The following MEI4 variants were observed in gnomAD, a reference collection of about 807,000 sequenced individuals.
MEI4 encodes the protein meiosis-specific protein MEI4.
Under a neutral mutation model 31.4 loss-of-function variants are expected in MEI4, and 27 were observed. That is an observed-to-expected ratio of 0.86 (90% CI 0.63 to 1.19). The LOEUF (loss-of-function observed/expected upper bound fraction) is 1.19, where lower values mean the gene tolerates loss of function less well. MEI4 is among the 50% of genes most tolerant of loss of function. MEI4 has a pLI of 0.00. For synonymous variants in MEI4, 122 were observed against 145.4 expected (o/e 0.84, Z 1.16); for missense variants, 329 against 398.9 (o/e 0.82, Z 1.49).
intron 2 of MEI4, among the ~76,000 whole-genome samples, chr6:77,733,708 A>C (rs886119505): frequency 6.6e-6 from 1 of 151,514 alleles, no homozygotes; most frequent in East Asian, 1.9e-4. Flanking sequence ...TAGTTCTTTT[A>C]ATTGTGATGT....
intron 1 of MEI4, among the ~76,000 whole-genome samples, chr6:77,669,339 T>A (rs1391375466): frequency 1.3e-5 from 2 of 152,164 alleles, no homozygotes; most frequent in African/African-American, 2.4e-5. Context: ...TTTTAATAGT[T>A]GTTTCAATTT....
intron 1 of MEI4, among the ~76,000 whole-genome samples, chr6:77,663,339 A>T (rs1279312532): frequency 1.3e-5 from 2 of 152,012 alleles, no homozygotes; most frequent in East Asian, 1.9e-4. Flanking sequence ...TTTTAATGAG[A>T]TGGTAAGGGG....
At chr6:77,730,060 G>C (rs1009937740) in intron 2 of MEI4, among the ~76,000 whole-genome samples, 2 of 152,052 alleles carry the variant, frequency 1.3e-5, no homozygotes, top group Non-Finnish European at 2.9e-5. Flanking sequence ...GGCAAACAAA[G>C]TCAGGCAAAT....
chr6:77,750,487 A>C (rs1457698981), intron 2 of MEI4, among the ~76,000 whole-genome samples: 1 of 152,238 alleles, frequency 6.6e-6, no homozygotes, highest in Non-Finnish European at 1.5e-5. Context: ...CTGATAAAAC[A>C]GACTTTAAAC....
intron 4 of MEI4, among the ~76,000 whole-genome samples, chr6:77,861,666 G>C (rs1331221362): frequency 6.6e-6 from 1 of 152,136 alleles, no homozygotes; most frequent in Non-Finnish European, 1.5e-5. Flanking sequence ...TTGAGTTCTG[G>C]AGTTAAGCAA....
At chr6:77,839,032 G>T (rs1232034826) in intron 4 of MEI4, among the ~76,000 whole-genome samples, 1 of 151,860 alleles carries the variant, frequency 6.6e-6, no homozygotes, top group Non-Finnish European at 1.5e-5. Flanking sequence ...TTTTTTCAAT[G>T]TCCAAGCTTT....
chr6:77,760,893 C>T (rs931580080), intron 2 of MEI4, among the ~76,000 whole-genome samples: 3 of 152,124 alleles, frequency 2.0e-5, no homozygotes, highest in African/African-American at 7.2e-5. Context: ...AGATAATGAC[C>T]TGAAAACACA....
intron 3 of MEI4, among the ~76,000 whole-genome samples, chr6:77,796,198 A>G (rs952795057): frequency 6.6e-6 from 1 of 152,190 alleles, no homozygotes; most frequent in Non-Finnish European, 1.5e-5. Flanking sequence ...ATCTCTCAAC[A>G]AATTAGGTAT....
chr6:77,694,760 T>C (rs1284569995), intron 2 of MEI4, among the ~76,000 whole-genome samples: 5 of 151,980 alleles, frequency 3.3e-5, no homozygotes, highest in Admixed American at 6.6e-5. Flanking sequence ...TGATTTATAA[T>C]CCTTTGGGTA....
At chr6:77,844,821 C>T (rs1206147631) in intron 4 of MEI4, among the ~76,000 whole-genome samples, 5 of 151,982 alleles carry the variant, frequency 3.3e-5, no homozygotes, top group African/African-American at 1.2e-4. Context: ...TCTTCACATC[C>T]CTCTCCTCCC....
At chr6:77,736,850 G>C (rs987194437) in intron 2 of MEI4, among the ~76,000 whole-genome samples, 3 of 116,882 alleles carry the variant, frequency 2.6e-5, no homozygotes, top group African/African-American at 1.1e-4. Context: ...TTGTCTTAGA[G>C]AACAGGACTT....
intron 4 of MEI4, among the ~76,000 whole-genome samples, chr6:77,881,689 GGCCTAT>G (rs765038306): frequency 1.5e-4 from 23 of 152,058 alleles, no homozygotes; most frequent in Non-Finnish European, 2.6e-4. Flanking sequence ...TTTTTTGGAT[GGCCTAT>G]GCCATCTTCT....
intron 2 of MEI4, among the ~76,000 whole-genome samples, chr6:77,734,918 T>A (rs1380609645): frequency 1.3e-5 from 2 of 151,946 alleles, no homozygotes; most frequent in Admixed American, 1.3e-4. Flanking sequence ...GGATATGAAA[T>A]TCTGGGTTGA....
intron 2 of MEI4, among the ~76,000 whole-genome samples, chr6:77,754,780 C>T (rs1453545808): frequency 6.6e-6 from 1 of 152,128 alleles, no homozygotes. Flanking sequence ...GCACTTCTTA[C>T]ATGCGGAGAG....
intron 4 of MEI4, among the ~76,000 whole-genome samples, chr6:77,838,882 G>A (rs988569402): frequency 4.7e-5 from 7 of 150,340 alleles, no homozygotes; most frequent in South Asian, 2.1e-4. Context: ...CAACCTGGGC[G>A]ACAAGAGCGA....
In MEI4 at chr6:77,923,316, C is replaced by A. The variant is rs775240006; in HGVS notation, c.1128C>A (p.Ser376Arg). The change falls in exon 5 of 5, where the codon AGC becomes AGA. Residue 376 changes from serine (S) to arginine (R), a missense_variant. By Grantham distance (110) the Ser-to-Arg change is moderately radical (BLOSUM62 -1). Coordinates refer to ENST00000684080, the MANE Select transcript of MEI4 (RefSeq NM_001322247.2). ...TATGGAGAGTGGGCATTCTTTTGAG[C>A]TCAGCACAGATAGAAACTCTTAGAA... ...FYLWRVGILL[S>R]SAQIETLRK is the part of the protein sequence containing the mutation. The A allele has an allele frequency of 1.1e-5, 13 of 1,229,898 alleles. No homozygotes were observed. The highest frequency in any genetic ancestry group is 1.3e-5 in the Non-Finnish European group (13 of 986,500). 76.2% of individuals were successfully genotyped at this position (1,229,898 alleles called of 1,614,324 possible).
chr6:77,800,524 CTG>C (rs1769221602), intron 3 of MEI4, among the ~76,000 whole-genome samples: 1 of 152,210 alleles, frequency 6.6e-6, no homozygotes, highest in South Asian at 2.1e-4. Context: ...ACTTCCAACA[CTG>C]TGTTGAATAG....
chr6:77,803,708 C>T (rs1485034775), intron 3 of MEI4, among the ~76,000 whole-genome samples: 11 of 152,302 alleles, frequency 7.2e-5, no homozygotes, highest in African/African-American at 2.6e-4. Context: ...CCCTCAGCTG[C>T]AGGTCTGTTG....
At chr6:77,867,350 T>C (rs566771054) in intron 4 of MEI4, among the ~76,000 whole-genome samples, 1 of 152,300 alleles carries the variant, frequency 6.6e-6, no homozygotes, top group African/African-American at 2.4e-5. Flanking sequence ...ATATTCAGAA[T>C]CTACAATGAA....
Sources: gnomAD v4.1 joint callset for allele counts (sites outside exome capture counted in the v4.1 genomes callset) on GRCh38, gnomAD v4.1.1 for gene constraint, MANE v1.5 for transcripts, NCBI Gene and HGNC (gene_info 2026-07-23, HGNC 2026-07-21) for gene names.